CCDC3: variants seen among roughly 807,000 people sequenced by gnomAD.
The protein encoded by CCDC3 is coiled-coil domain-containing protein 3.
CCDC3 carries 24 observed loss-of-function variants against 21.4 expected under a neutral mutation model. That is an observed-to-expected ratio of 1.12 (90% confidence interval 0.81 to 1.58). The LOEUF (loss-of-function observed/expected upper bound fraction) is 1.58. Ranked by LOEUF, CCDC3 falls within the 40% of genes most tolerant of loss-of-function variation. The pLI is 0.00. For missense variants in CCDC3, 425 were observed against 360.9 expected (o/e 1.18, Z -1.44); for synonymous variants, 186 against 166.0 (o/e 1.12, Z -0.93).
At chr10:12,940,229 GT>G (rs34664068) in intron 2 of CCDC3, among the ~76,000 whole-genome samples, 56,334 of 104,858 alleles carry the variant, frequency 0.54, 11,660 homozygotes, top group East Asian at 0.61. Context: ...CATTGAAATT[GT>G]TTTTTTTTTT....
intron 5 of CCDC3, among the ~76,000 whole-genome samples, chr10:13,014,911 CAGG>C (rs1314398885): frequency 1.3e-5 from 2 of 152,076 alleles, no homozygotes; most frequent in Admixed American, 6.5e-5. Flanking sequence ...ACAGTCATAT[CAGG>C]AGAATAAAAC....
intron 4 of CCDC3, among the ~76,000 whole-genome samples, chr10:13,051,769 C>T (rs1428383207): frequency 2.6e-5 from 4 of 151,876 alleles, no homozygotes; most frequent in African/African-American, 9.7e-5. Flanking sequence ...GCGTCCCAGA[C>T]CCAGGAGTGA....
At chr10:12,959,931 A>T (rs1202272365) in intron 2 of CCDC3, among the ~76,000 whole-genome samples, 1 of 152,202 alleles carries the variant, frequency 6.6e-6, no homozygotes, top group Non-Finnish European at 1.5e-5. Flanking sequence ...AAGCAAGCGG[A>T]TAATTTGAGG....
intron 2 of CCDC3, among the ~76,000 whole-genome samples, chr10:12,930,761 T>C (rs1324239207): frequency 6.6e-6 from 1 of 152,108 alleles, no homozygotes; most frequent in Admixed American, 6.6e-5. Flanking sequence ...ATGGATTGGA[T>C]AGTCTCCCAC....
chr10:12,907,564 G>A (rs1216973120), intron 2 of CCDC3, among the ~76,000 whole-genome samples: 3 of 152,174 alleles, frequency 2.0e-5, no homozygotes, highest in Non-Finnish European at 4.4e-5. Flanking sequence ...AGAATCGCTT[G>A]ACCCGAGAGG....
Position 12,897,472 on chromosome 10 carries a change from GC to G in CCDC3, c.*943del, listed in dbSNP as rs1229690531. The G allele has an allele frequency of 1.3e-5, 2 of 152,238 alleles. No individual in the cohort carries two copies. Among genetic ancestry groups the G allele is most frequent in the African/African-American group, 2.4e-5 (1 of 41,446 alleles). 9.4% of individuals were successfully genotyped at this position (152,238 alleles called of 1,614,324 possible). A position where few individuals can be genotyped will look rare whatever the true frequency, so the allele number is the denominator to read the frequency against. On this transcript the variant is annotated 3_prime_UTR_variant, in exon 3 of 3. Transcript: ENST00000378825. ...GAAGAGATTGGAATGGCTGGAATGA[GC>G]CCTTTGGGAGCCTGGCTGGGAGTGA...
intron 4 of CCDC3, among the ~76,000 whole-genome samples, chr10:13,067,592 C>T (rs1226029319): frequency 6.6e-6 from 1 of 152,110 alleles, no homozygotes. Flanking sequence ...GGGAGCATGA[C>T]CTGTAACCAC....
At chr10:13,056,004 T>A (rs1325636298) in intron 4 of CCDC3, among the ~76,000 whole-genome samples, 4 of 152,190 alleles carry the variant, frequency 2.6e-5, no homozygotes, top group Non-Finnish European at 2.9e-5. Context: ...TCCTATGAAA[T>A]ATTTTCTACA....
intron 2 of CCDC3, among the ~76,000 whole-genome samples, chr10:12,902,167 G>A (rs1270438402): frequency 6.6e-6 from 1 of 152,172 alleles, no homozygotes; most frequent in Non-Finnish European, 1.5e-5. Flanking sequence ...TTGCTGCCCT[G>A]GCCTTTTTAG....
intron 2 of CCDC3, among the ~76,000 whole-genome samples, chr10:12,983,739 G>A: frequency 6.6e-6 from 1 of 151,420 alleles, no homozygotes; most frequent in Non-Finnish European, 1.5e-5. Flanking sequence ...TAAATGTACA[G>A]ATGAAAAGAT....
intron 5 of CCDC3, among the ~76,000 whole-genome samples, chr10:13,040,687 TCACACACACACACA>T (rs10653974): frequency 1.6e-4 from 23 of 142,852 alleles, no homozygotes; most frequent in Admixed American, 4.9e-4. Context: ...CAAAACTCTG[TCACACACACACACA>T]CACACACACA....
At chr10:13,078,505 A>G (rs974123360) in intron 3 of CCDC3, among the ~76,000 whole-genome samples, 2 of 152,252 alleles carry the variant, frequency 1.3e-5, no homozygotes, top group Non-Finnish European at 2.9e-5. Context: ...CAATCCCATT[A>G]CTGGGTACAT....
intron 5 of CCDC3, among the ~76,000 whole-genome samples, chr10:13,021,060 C>T (rs1324925722): frequency 6.6e-6 from 1 of 152,084 alleles, no homozygotes; most frequent in African/African-American, 2.4e-5. Flanking sequence ...TAAAAATGCT[C>T]TTGTCATGTA....
chr10:13,095,129 G>A (rs1588423998), intron 3 of CCDC3, among the ~76,000 whole-genome samples: 1 of 85,816 alleles, frequency 1.2e-5, no homozygotes, highest in East Asian at 3.2e-4. Context: ...GCACCTGTTT[G>A]AGTCTCTGTT....
chr10:12,924,081 G>C (rs1834496555), intron 2 of CCDC3, among the ~76,000 whole-genome samples: 1 of 152,196 alleles, frequency 6.6e-6, no homozygotes, highest in South Asian at 2.1e-4. Context: ...CATGGCCTCA[G>C]TTTCTGCTTT....
intron 2 of CCDC3, among the ~76,000 whole-genome samples, chr10:12,972,464 C>T (rs906925504): frequency 8.5e-5 from 13 of 152,126 alleles, no homozygotes; most frequent in Admixed American, 6.5e-4. Context: ...TACCAAGTCC[C>T]CTTCACCCTG....
chr10:13,034,034 C>T (rs1276844325), intron 5 of CCDC3, among the ~76,000 whole-genome samples: 2 of 152,150 alleles, frequency 1.3e-5, no homozygotes, highest in Non-Finnish European at 2.9e-5. Context: ...TATAAAGACA[C>T]ATGCACACGT....
intron 5 of CCDC3, among the ~76,000 whole-genome samples, chr10:13,017,516 CA>C (rs60969932): frequency 3.7e-4 from 41 of 111,668 alleles, no homozygotes; most frequent in Middle Eastern, 4.9e-3. Flanking sequence ...GACTCCATCT[CA>C]AAAAAAAAAA....
intron 2 of CCDC3, among the ~76,000 whole-genome samples, chr10:12,984,606 A>G (rs1052587192): frequency 1.3e-5 from 2 of 152,236 alleles, no homozygotes; most frequent in African/African-American, 4.8e-5. Context: ...AAACCTGTTC[A>G]TAGCAGCATT....
Sources: gnomAD v4.1 joint callset for allele counts (sites outside exome capture counted in the v4.1 genomes callset) on GRCh38, gnomAD v4.1.1 for gene constraint, MANE v1.5 for transcripts, NCBI Gene and HGNC (gene_info 2026-07-23, HGNC 2026-07-21) for gene names.